ERBB4: variants seen among roughly 807,000 people sequenced by gnomAD.
ERBB4 encodes receptor tyrosine-protein kinase erbB-4.
A neutral mutation model predicts 158.0 loss-of-function variants in ERBB4; 42 were observed. The observed-to-expected ratio is 0.27, with a 90% CI of 0.21 to 0.34. The LOEUF (loss-of-function observed/expected upper bound fraction) is 0.34. Among genes scored for constraint, ERBB4 ranks in the 10% least tolerant of loss-of-function variants. ERBB4 has a pLI of 1.00. For synonymous variants in ERBB4, 583 were observed against 558.7 expected, an observed-to-expected ratio of 1.04 and a Z score of -0.61; for missense variants, 1,333 against 1,624.1, an observed-to-expected ratio of 0.82 and a Z score of 3.08.
intron 3 of ERBB4, among the ~76,000 whole-genome samples, chr2:211,911,763 G>C (rs1275001371): frequency 6.6e-6 from 1 of 151,684 alleles, no homozygotes; most frequent in African/African-American, 2.4e-5. Flanking sequence ...GGAGAAAATG[G>C]GGAGATGATA....
chr2:211,702,151 A>G lies in ERBB4; in HGVS notation c.1305T>C (p.Leu435=), dbSNP rs753437495. The change falls in exon 12 of 28, where the codon CTT becomes CTC. Residue 435 remains leucine, a synonymous_variant. Coordinates refer to ENST00000342788, the MANE Select transcript of ERBB4 (RefSeq NM_005235.3). The part of the protein sequence containing the change: ...GRVLYSGLSL[L]ILKQQGITSL... ...AGGTGATGCCCTGTTGCTTGAGGATAAGCAAGGACAGGCCACTAAGGAGGG... is the reference window on the plus strand; with the variant it reads ...AGGTGATGCCCTGTTGCTTGAGGATGAGCAAGGACAGGCCACTAAGGAGGG... The G allele has an allele frequency of 3.1e-6, 5 of 1,613,950 alleles. No individual in the cohort carries two copies. The highest frequency in any genetic ancestry group is 4.2e-6 in the Non-Finnish European group (5 of 1,179,986).
chr2:212,248,767 G>A (rs977686114), intron 1 of ERBB4, among the ~76,000 whole-genome samples: 1 of 151,912 alleles, frequency 6.6e-6, no homozygotes, highest in African/African-American at 2.4e-5. Flanking sequence ...TTCAGCTTTA[G>A]ATTGGCTGAC....
At chr2:211,519,320 C>T (rs2066127605) in intron 20 of ERBB4, among the ~76,000 whole-genome samples, 1 of 152,078 alleles carries the variant, frequency 6.6e-6, no homozygotes, top group Non-Finnish European at 1.5e-5. Flanking sequence ...TTAATATAGA[C>T]TGTAGATTGG....
chr2:212,377,547 A>G (rs1451877284), intron 1 of ERBB4, among the ~76,000 whole-genome samples: 3 of 151,810 alleles, frequency 2.0e-5, no homozygotes, highest in Admixed American at 6.6e-5. Flanking sequence ...TAGAAAAAGT[A>G]CAATAAAAAT....
At chr2:211,657,468 C>T (rs1167786837) in intron 16 of ERBB4, 12 of 384,840 alleles carry the variant, frequency 3.1e-5, no homozygotes, top group Non-Finnish European at 5.9e-5. Context: ...AAGATCATGC[C>T]ATTGCACTCC....
At chr2:211,476,186 T>C (rs1174653807) in intron 20 of ERBB4, among the ~76,000 whole-genome samples, 6 of 152,074 alleles carry the variant, frequency 3.9e-5, no homozygotes, top group East Asian at 3.9e-4. Context: ...GGGGAAAACA[T>C]GAGCAAAGGC....
intron 5 of ERBB4, among the ~76,000 whole-genome samples, chr2:211,741,868 T>C (rs892929121): frequency 1.3e-5 from 2 of 152,350 alleles, no homozygotes; most frequent in Non-Finnish European, 2.9e-5. Flanking sequence ...TATCAACTTA[T>C]GTCAAAATGA....
At chr2:211,900,770 C>A (rs975960863) in intron 3 of ERBB4, among the ~76,000 whole-genome samples, 1 of 151,942 alleles carries the variant, frequency 6.6e-6, no homozygotes, top group Non-Finnish European at 1.5e-5. Flanking sequence ...TATAAGTAAC[C>A]CAGTTTATTT....
chr2:212,428,017 A>G (rs1464690195), intron 1 of ERBB4, among the ~76,000 whole-genome samples: 2 of 152,170 alleles, frequency 1.3e-5, no homozygotes, highest in Non-Finnish European at 2.9e-5. Context: ...ATGTCTTTAT[A>G]TTGAAGGTGT....
chr2:212,360,285 C>G (rs1242772178), intron 1 of ERBB4, among the ~76,000 whole-genome samples: 1 of 151,642 alleles, frequency 6.6e-6, no homozygotes, highest in East Asian at 1.9e-4. Flanking sequence ...TCTCTCAGCC[C>G]TTCTGTCACT....
chr2:211,420,339 G>C (rs2063488155), intron 25 of ERBB4, 102 bp downstream of exon 25: 2 of 842,090 alleles, frequency 2.4e-6, no homozygotes, highest in Non-Finnish European at 3.9e-6. Context: ...GCATCACATT[G>C]ATTTGAGCTA....
At chr2:212,478,377 TTTC>T (rs1689513177) in intron 1 of ERBB4, among the ~76,000 whole-genome samples, 2 of 152,066 alleles carry the variant, frequency 1.3e-5, no homozygotes, top group Non-Finnish European at 2.9e-5. Flanking sequence ...CTAGATTCTC[TTTC>T]AGCTATTTGA....
At chr2:212,277,567 C>T (rs973661265) in intron 1 of ERBB4, among the ~76,000 whole-genome samples, 1 of 151,712 alleles carries the variant, frequency 6.6e-6, no homozygotes, top group African/African-American at 2.4e-5. Context: ...CTAACTGCTT[C>T]CTGTTCTTCA....
At chr2:211,611,663 C>A (rs2069204915) in intron 19 of ERBB4, among the ~76,000 whole-genome samples, 1 of 152,048 alleles carries the variant, frequency 6.6e-6, no homozygotes, top group Non-Finnish European at 1.5e-5. Context: ...CTTTATTTTT[C>A]TTTTCATCCT....
In ERBB4 at chr2:212,538,477, C is replaced by G. The variant is rs202041647; in HGVS notation, c.54G>C (p.Gly18=). 6.2e-7 allele frequency: 1 copy of G among 1,614,042 alleles called. No homozygotes were observed. The highest frequency in any genetic ancestry group is 1.7e-5 in the Admixed American group (1 of 60,016). Residue 18 remains glycine, a synonymous_variant, in exon 1 of 28, where the codon GGG becomes GGC. Coordinates refer to ENST00000342788, the MANE Select transcript of ERBB4 (RefSeq NM_005235.3). ...WVWVSLLVAA[G]TVQPSDSQSV... is the part of the protein sequence containing the mutation. ...ACTGAGAATCGCTGGGCTGGACGGTCCCCGCCGCCACGAGAAGGCTCACCC... is the reference window on the plus strand; with the variant it reads ...ACTGAGAATCGCTGGGCTGGACGGTGCCCGCCGCCACGAGAAGGCTCACCC...
Position 211,734,045 on chromosome 2 carries a change from A to T in ERBB4, c.623-8851T>A, listed in dbSNP as rs1037347836. Among the ~76,000 whole-genome samples, 45 of 152,272 alleles carry T rather than the reference A, an allele frequency of 3.0e-4. 1 individual carries two copies. Among genetic ancestry groups the T allele is most frequent in the East Asian group, 9.6e-4 (5 of 5,184 alleles). On this transcript the variant is annotated intron_variant, in intron 5 of 27. Transcript: ENST00000342788. ...CCATGCAGCAGAAAATATTTAAAAA[A>T]TTTTGAAAAAATAATAAATATTTAA...
At chr2:212,466,679 T>C (rs1230835148) in intron 1 of ERBB4, among the ~76,000 whole-genome samples, 1 of 152,344 alleles carries the variant, frequency 6.6e-6, no homozygotes, top group African/African-American at 2.4e-5. Flanking sequence ...GTCTCAGTTA[T>C]GTCTTTATCA....
chr2:212,396,729 T>C (rs2091036108), intron 1 of ERBB4, among the ~76,000 whole-genome samples: 1 of 152,170 alleles, frequency 6.6e-6, no homozygotes, highest in African/African-American at 2.4e-5. Context: ...TTCTAATATG[T>C]ATTATATTTT....
chr2:211,470,491 A>G (rs1169117146), intron 20 of ERBB4, among the ~76,000 whole-genome samples: 3 of 152,178 alleles, frequency 2.0e-5, no homozygotes, highest in African/African-American at 7.2e-5. Flanking sequence ...CTGAATGTAG[A>G]AAAAAACTGA....
Sources: gnomAD v4.1 joint callset for allele counts (sites outside exome capture counted in the v4.1 genomes callset) on GRCh38, gnomAD v4.1.1 for gene constraint, MANE v1.5 for transcripts, NCBI Gene and HGNC (gene_info 2026-07-23, HGNC 2026-07-21) for gene names.